The following DMD variants were observed in gnomAD, a reference collection of about 807,000 sequenced individuals.
The protein encoded by DMD is dystrophin.
In DMD, 63 loss-of-function variants were observed where a neutral mutation model predicts 330.1. That is an observed-to-expected ratio of 0.19 (90% CI 0.16 to 0.24). The LOEUF is 0.24. Among genes scored for constraint, DMD ranks in the 10% least tolerant of loss-of-function variants. The pLI, the probability that DMD is intolerant of heterozygous loss-of-function variation, is 1.00. For missense variants in DMD, 3,344 were observed against 2,684.1 expected, an observed-to-expected ratio of 1.25 and a Z score of -5.43; for synonymous variants, 1,223 against 959.8, an observed-to-expected ratio of 1.27 and a Z score of -5.07.
chrX:31,952,557 T>C (rs1182380385), intron 45 of DMD, among the ~76,000 whole-genome samples: 1 of 111,314 alleles, frequency 9.0e-6, no homozygotes, highest in Non-Finnish European at 1.9e-5. Context: ...GGTTCTTTTA[T>C]ATAGTGTGTA....
At chrX:31,588,514 C>G (rs1216364081) in intron 55 of DMD, among the ~76,000 whole-genome samples, 1 of 111,484 alleles carries the variant, frequency 9.0e-6, no homozygotes, top group Non-Finnish European at 1.9e-5. Context: ...CTTGCCTATT[C>G]TACCTCACTC....
At chrX:31,231,784 G>A (rs770461713) in intron 63 of DMD, among the ~76,000 whole-genome samples, 1 of 112,033 alleles carries the variant, frequency 8.9e-6, no homozygotes, top group Non-Finnish European at 1.9e-5. Context: ...CTGGGAGGCT[G>A]AGGCAGGAGA....
intron 49 of DMD, among the ~76,000 whole-genome samples, chrX:31,835,161 A>C (rs974851548): frequency 1.8e-5 from 2 of 111,884 alleles, no homozygotes; most frequent in African/African-American, 6.5e-5. Flanking sequence ...GTGGCTTTTA[A>C]TTAAGATCTC....
At chrX:32,574,897 CTATT>C (rs2052852739) in intron 13 of DMD, among the ~76,000 whole-genome samples, 1 of 91,137 alleles carries the variant, frequency 1.1e-5, no homozygotes, top group Non-Finnish European at 2.1e-5. Context: ...AATAATCCAC[CTATT>C]TTTTTTTTTT....
At chrX:31,451,849 G>A (rs1279823347) in intron 59 of DMD, among the ~76,000 whole-genome samples, 1 of 110,126 alleles carries the variant, frequency 9.1e-6, no homozygotes, top group African/African-American at 3.3e-5. Flanking sequence ...AAAAAAAAAG[G>A]GATGTGATTG....
intron 67 of DMD, among the ~76,000 whole-genome samples, chrX:31,194,425 T>C (rs1276944349): frequency 8.9e-6 from 1 of 112,187 alleles, no homozygotes; most frequent in African/African-American, 3.2e-5. Context: ...GAGAATGTCA[T>C]CCTTTAAGAA....
chrX:32,107,433 G>T (rs959497855), intron 44 of DMD, among the ~76,000 whole-genome samples: 5 of 107,143 alleles, frequency 4.7e-5, no homozygotes, highest in Non-Finnish European at 9.6e-5. Flanking sequence ...GGCAACTATG[G>T]AGACTGACAA....
chrX:31,623,627 T>G (rs2078684320), intron 55 of DMD, among the ~76,000 whole-genome samples: 1 of 111,872 alleles, frequency 8.9e-6, no homozygotes. Context: ...CAATTCAAAC[T>G]TTATGAAACT....
intron 9 of DMD, among the ~76,000 whole-genome samples, chrX:32,660,965 C>T (rs1202856687): frequency 2.7e-5 from 3 of 110,852 alleles, no homozygotes; most frequent in Non-Finnish European, 3.8e-5. Context: ...ATCAAGAGCA[C>T]CAAAAACGCT....
At chrX:32,068,015 T>C (rs2096271047) in intron 44 of DMD, among the ~76,000 whole-genome samples, 1 of 111,788 alleles carries the variant, frequency 8.9e-6, no homozygotes, top group African/African-American at 3.3e-5. Context: ...CTTGCCAGCA[T>C]TGGGTGTCTT....
intron 53 of DMD, 35 bp downstream of exon 53, chrX:31,679,340 G>T: frequency 9.6e-7 from 1 of 1,044,808 alleles, no homozygotes; most frequent in Non-Finnish European, 1.3e-6. Flanking sequence ...AATGTAACCA[G>T]TATTTTATTT....
chrX:32,604,693 G>T (rs1270412554), intron 12 of DMD, among the ~76,000 whole-genome samples: 1 of 109,804 alleles, frequency 9.1e-6, no homozygotes, highest in Non-Finnish European at 1.9e-5. Flanking sequence ...TTTGATAAAT[G>T]ACTTCAGTAA....
At position 32,844,818 on chromosome X, in the gene DMD, C is replaced by G; in HGVS notation, c.229G>C (p.Val77Leu). Residue 77 changes from valine to leucine, a missense_variant, in exon 4 of 79, where the codon GTC becomes CTC. Physicochemically the swap from Val to Leu is conservative, Grantham distance 32. Transcript: ENST00000357033. ...GSTRVHALNNVNKALRVLQNN... is the reference protein window; with the variant it reads ...GSTRVHALNNLNKALRVLQNN... The stretch of plus-strand genomic sequence containing the variant: ...TGCAAAACCCGCAGTGCCTTGTTGA[C>G]ATTGTTCAGGGCATGAACTCTTGTG... 1 of 1,211,640 alleles carries G rather than the reference C, an allele frequency of 8.3e-7. No individual in the cohort carries two copies. The highest frequency in any genetic ancestry group is 1.1e-6 in the Non-Finnish European group (1 of 895,326).
intron 43 of DMD, 93 bp downstream of exon 43, chrX:32,287,436 C>T: frequency 2.2e-6 from 2 of 896,325 alleles, no homozygotes; most frequent in Non-Finnish European, 3.2e-6. Context: ...TTTTCCCTGT[C>T]TTTTTTCCAT....
chrX:31,341,891 GCACACACACA>G (rs58867858), intron 61 of DMD, among the ~76,000 whole-genome samples: 32 of 98,872 alleles, frequency 3.2e-4, no homozygotes, highest in African/African-American at 9.9e-4. Context: ...GTGCGCGCGC[GCACACACACA>G]CACACACACA....
intron 37 of DMD, among the ~76,000 whole-genome samples, chrX:32,350,473 G>GT (rs1366789792): frequency 9.0e-6 from 1 of 111,111 alleles, no homozygotes; most frequent in African/African-American, 3.3e-5. Flanking sequence ...GGCGTAAAAC[G>GT]TAAGTCATGC....
intron 62 of DMD, among the ~76,000 whole-genome samples, chrX:31,308,504 G>C (rs1445241577): frequency 9.0e-6 from 1 of 111,549 alleles, no homozygotes. Flanking sequence ...TGTAACACCA[G>C]TGGGGCTATC....
intron 15 of DMD, among the ~76,000 whole-genome samples, chrX:32,570,611 T>C (rs2149120570): frequency 9.0e-6 from 1 of 111,729 alleles, no homozygotes; most frequent in African/African-American, 3.2e-5. Flanking sequence ...ACTACTGAAA[T>C]AGATTGAAAG....
At chrX:31,600,985 C>T (rs996934615) in intron 55 of DMD, among the ~76,000 whole-genome samples, 2 of 110,367 alleles carry the variant, frequency 1.8e-5, no homozygotes, top group African/African-American at 6.6e-5. Flanking sequence ...GACTCCTCAA[C>T]TTACCCTAAT....
Sources: gnomAD v4.1 joint callset for allele counts (sites outside exome capture counted in the v4.1 genomes callset) on GRCh38, gnomAD v4.1.1 for gene constraint, MANE v1.5 for transcripts, NCBI Gene and HGNC (gene_info 2026-07-23, HGNC 2026-07-21) for gene names.